Variants in INPP5A observed in about 807,000 individuals in gnomAD.
The protein encoded by INPP5A is 43 kDa inositol polyphosphate 5-phophatase.
In INPP5A, 14 loss-of-function variants were observed where a neutral mutation model predicts 65.2. The ratio of observed to expected loss-of-function variants is 0.21; its 90% CI spans 0.14 to 0.34. The LOEUF (loss-of-function observed/expected upper bound fraction) is 0.34. Ranked by LOEUF, INPP5A falls within the 10% of genes least tolerant of loss-of-function variation. The pLI is 1.00. For synonymous variants in INPP5A, 207 were observed against 208.3 expected (o/e 0.99, Z 0.05); for missense variants, 431 against 545.6 (o/e 0.79, Z 2.09).
intron 1 of INPP5A, among the ~76,000 whole-genome samples, chr10:132,540,889 G>A (rs777962640): frequency 5.9e-5 from 9 of 152,216 alleles, no homozygotes; most frequent in Non-Finnish European, 7.3e-5. Flanking sequence ...CAGATATCCC[G>A]GACTGTGGCG....
At chr10:132,728,996 T>C (rs111789017) in intron 9 of INPP5A, among the ~76,000 whole-genome samples, 9 of 139,576 alleles carry the variant, frequency 6.4e-5, no homozygotes, top group African/African-American at 2.7e-4. Context: ...GTGGGGCTTG[T>C]GTGGCCGCTG....
Position 132,782,240 on chromosome 10 carries a change from A to C in INPP5A, c.*211A>C. ...CTCGTCTGTCTATGTGACATTAAGT[A>C]GAAATATTGGTTTTTTTTTTTTTTT... On this transcript the variant is annotated 3_prime_UTR_variant, in exon 16 of 16. Transcript: ENST00000368594. The surrounding 1 kb of genome is among the most constrained non-coding windows in gnomAD (Gnocchi z 4.4). 6.0e-6 allele frequency: 3 copies of C among 499,096 alleles called. No homozygotes were observed. Among genetic ancestry groups the C allele is most frequent in the South Asian group, 2.0e-5 (1 of 49,444 alleles). 30.9% of individuals were successfully genotyped at this position (499,096 alleles called of 1,614,324 possible).
chr10:132,715,005 G>A (rs1164572265), intron 8 of INPP5A, among the ~76,000 whole-genome samples: 2 of 152,226 alleles, frequency 1.3e-5, no homozygotes, highest in Non-Finnish European at 1.5e-5. Flanking sequence ...CTGGACCCTG[G>A]GTGAGGCCGG....
chr10:132,752,471 A>G (rs1373211143), intron 11 of INPP5A, among the ~76,000 whole-genome samples: 1 of 103,842 alleles, frequency 9.6e-6, no homozygotes, highest in East Asian at 3.3e-4. Context: ...GGGGTGTGGC[A>G]TGGAGAGGGG....
At position 132,720,860 on chromosome 10, in the gene INPP5A, G is replaced by T. The variant is rs1195669225; in HGVS notation, c.648-5961G>T. 3.3e-5 allele frequency among the ~76,000 whole-genome samples: 5 copies of T among 150,670 alleles called. No homozygotes were observed. The South Asian group carries it at 1.1e-3, about 32-fold the overall frequency. ...TTCTGTCTGGGCACCTTAGACGGCT[G>T]TCTTCAGGGATCTGTGGTACCTGGG... On this transcript the variant is annotated intron_variant, in intron 8 of 15. Transcript: ENST00000368594.
chr10:132,608,416 G>A (rs1484399106), intron 2 of INPP5A, among the ~76,000 whole-genome samples: 1 of 152,250 alleles, frequency 6.6e-6, no homozygotes, highest in Non-Finnish European at 1.5e-5. Flanking sequence ...GCCAGGCCGA[G>A]GCACGGACCC....
At chr10:132,573,544 G>A (rs1237452702) in intron 1 of INPP5A, among the ~76,000 whole-genome samples, 1 of 141,116 alleles carries the variant, frequency 7.1e-6, no homozygotes, top group Non-Finnish European at 1.5e-5. Context: ...TTGATGTTGG[G>A]TTGTGTGTGC....
intron 4 of INPP5A, among the ~76,000 whole-genome samples, chr10:132,688,356 A>G (rs1252987349): frequency 6.6e-6 from 1 of 152,214 alleles, no homozygotes; most frequent in Non-Finnish European, 1.5e-5. Flanking sequence ...CACCCCAGTG[A>G]CCGGTCGTCA....
Position 132,782,611 on chromosome 10 carries a change from TATAA to T in INPP5A, c.*586_*589del, listed in dbSNP as rs1184392556. On this transcript the variant is annotated 3_prime_UTR_variant, in exon 16 of 16. Coordinates refer to ENST00000368594, the MANE Select transcript of INPP5A (RefSeq NM_005539.5). The surrounding 1 kb of genome is among the most constrained non-coding windows in gnomAD (Gnocchi z 4.4). ...CCATTTTTATATATATATAAATATA[TATAA>T]ATATATACTTTTTAAAAATAATTTA... 3 of 149,950 alleles carry T rather than the reference TATAA, an allele frequency of 2.0e-5. No individual in the cohort carries two copies. Among genetic ancestry groups the T allele is most frequent in the East Asian group, 1.9e-4 (1 of 5,160 alleles). 9.3% of individuals were successfully genotyped at this position (149,950 alleles called of 1,614,324 possible). A position where few individuals can be genotyped will look rare whatever the true frequency, so the allele number is the denominator to read the frequency against.
chr10:132,682,555 C>T (rs940100575), intron 4 of INPP5A, among the ~76,000 whole-genome samples: 2 of 152,364 alleles, frequency 1.3e-5, no homozygotes, highest in South Asian at 2.1e-4. Context: ...GGATGTGGAA[C>T]GTGGGCACTG....
At position 132,561,398 on chromosome 10, in the gene INPP5A, T is replaced by A. The variant is rs144126458; in HGVS notation, c.75+23227T>A. ...TTTTGTATCTGGTGTGAGGTAGGGG[T>A]CTTCATTCTTTTGCATATCCATATC... On this transcript the variant is annotated intron_variant, in intron 1 of 15. Transcript: ENST00000368594. Among the ~76,000 whole-genome samples the A allele has an allele frequency of 1.2e-3, 186 of 152,178 alleles. 2 individuals carry two copies. The highest frequency in any genetic ancestry group is 0.011 in the East Asian group (57 of 5,180).
intron 1 of INPP5A, among the ~76,000 whole-genome samples, chr10:132,561,500 T>A (rs1285010067): frequency 5.3e-5 from 8 of 152,226 alleles, no homozygotes; most frequent in Middle Eastern, 3.4e-3. Context: ...GGAAGTTAAT[T>A]GACCATGAAT....
At chr10:132,765,649 G>A (rs2134673896) in intron 11 of INPP5A, 124 bp from the exon 12 acceptor site, 2 of 672,190 alleles carry the variant, frequency 3.0e-6, no homozygotes, top group Non-Finnish European at 5.5e-6. Flanking sequence ...GGTGACAGAT[G>A]TGGCGGCTCT....
chr10:132,766,126 A>T (rs1565008509), intron 12 of INPP5A, among the ~76,000 whole-genome samples: 1 of 150,162 alleles, frequency 6.7e-6, no homozygotes, highest in Non-Finnish European at 1.5e-5. Context: ...GCACCTGTGC[A>T]TCTGTGTGTG....
intron 4 of INPP5A, among the ~76,000 whole-genome samples, chr10:132,685,556 C>T (rs2073104721): frequency 6.6e-6 from 1 of 152,224 alleles, no homozygotes; most frequent in African/African-American, 2.4e-5. Flanking sequence ...TGGTCGTTCA[C>T]CTGATTGCGG....
At position 132,698,748 on chromosome 10, in the gene INPP5A, T is replaced by C. The variant is rs1471067712; in HGVS notation, c.474+829T>C. 6.6e-6 allele frequency among the ~76,000 whole-genome samples: 1 copy of C among 152,134 alleles called. No homozygotes were observed. The highest frequency in any genetic ancestry group is 1.5e-5 in the Non-Finnish European group (1 of 68,004). On this transcript the variant is annotated intron_variant, in intron 6 of 15. Coordinates refer to ENST00000368594, the MANE Select transcript of INPP5A (RefSeq NM_005539.5). This position sits in a 1 kb window ranked among gnomAD's most constrained non-coding sequence, Gnocchi z 5.5. Reference sequence around the variant, plus strand: ...AGGTTTGGGGGCGTCCAGGCTGTGATATAGGAGCTCTCGTCCGGACTTGTC... The same window carrying C: ...AGGTTTGGGGGCGTCCAGGCTGTGACATAGGAGCTCTCGTCCGGACTTGTC...
Position 132,644,664 on chromosome 10 carries a change from G to A in INPP5A, c.118-1204G>A, listed in dbSNP as rs189125790. On this transcript the variant is annotated intron_variant, in intron 2 of 15. Coordinates refer to ENST00000368594, the MANE Select transcript of INPP5A (RefSeq NM_005539.5). This position sits in a 1 kb window ranked among gnomAD's most constrained non-coding sequence, Gnocchi z 6.5. ...CCTTTCCGCTCCTCCAAGGAAGCTC[G>A]TCCTTTTGGGCCCTCAGTGGCTGTT... Among the ~76,000 whole-genome samples, 9 of 152,346 alleles carry A rather than the reference G, an allele frequency of 5.9e-5. No homozygotes were observed. Among genetic ancestry groups the A allele is most frequent in the South Asian group, 4.1e-4 (2 of 4,832 alleles).
intron 8 of INPP5A, among the ~76,000 whole-genome samples, chr10:132,725,395 G>A (rs538447516): frequency 1.4e-4 from 22 of 152,304 alleles, no homozygotes; most frequent in South Asian, 6.2e-4. Flanking sequence ...GGTGCCTCAC[G>A]GCCACTTGGC....
At chr10:132,726,781 C>A in intron 8 of INPP5A, 40 bp from the exon 9 acceptor site, 1 of 1,491,656 alleles carries the variant, frequency 6.7e-7, no homozygotes, top group Non-Finnish European at 9.3e-7. Context: ...GGCTGGCCGG[C>A]TTCAGCGCCC....
Sources: gnomAD v4.1 joint callset for allele counts (sites outside exome capture counted in the v4.1 genomes callset) on GRCh38, gnomAD v4.1.1 for gene constraint, Gnocchi (gnomAD v3.1) non-coding constraint, MANE v1.5 for transcripts, NCBI Gene and HGNC (gene_info 2026-07-23, HGNC 2026-07-21) for gene names.